ADAMTS9: variants seen among roughly 807,000 people sequenced by gnomAD.
ADAMTS9 encodes the protein A disintegrin and metalloproteinase with thrombospondin motifs 9.
ADAMTS9 carries 107 observed loss-of-function variants against 257.1 expected under a neutral mutation model. The observed-to-expected ratio is 0.42, with a 90% CI of 0.36 to 0.49. The LOEUF is 0.49. Ranked by LOEUF, ADAMTS9 falls within the 20% of genes least tolerant of loss-of-function variation. The pLI is 0.03. For missense variants in ADAMTS9, 2,353 were observed against 2,469.1 expected (o/e 0.95, Z 1.00); for synonymous variants, 982 against 880.9 (o/e 1.11, Z -2.03).
chr3:64,687,082 T>A lies in ADAMTS9; in HGVS notation c.116-114A>T. 1 of 1,270,088 alleles carries A rather than the reference T, an allele frequency of 7.9e-7. No individual in the cohort carries two copies. The highest frequency in any genetic ancestry group is 2.4e-5 in the Admixed American group (1 of 42,044). 78.7% of individuals were successfully genotyped at this position (1,270,088 alleles called of 1,614,324 possible). Reference sequence around the variant, plus strand: ...TTATTTTCCAGCCCATTCGAGTCAATCCCTTCACCCTTAATCAGTGGACAA... The same window carrying A: ...TTATTTTCCAGCCCATTCGAGTCAAACCCTTCACCCTTAATCAGTGGACAA... On this transcript the variant is annotated intron_variant, in intron 1 of 39. Coordinates refer to ENST00000498707, the MANE Select transcript of ADAMTS9 (RefSeq NM_182920.2). The surrounding 1 kb of genome is among the most constrained non-coding windows in gnomAD (Gnocchi z 4.4).
chr3:64,678,876 C>A (rs1701687838), intron 3 of ADAMTS9, among the ~76,000 whole-genome samples: 2 of 152,140 alleles, frequency 1.3e-5, no homozygotes, highest in African/African-American at 2.4e-5. Context: ...AGTGGCACAG[C>A]CCAGCAGCAA....
intron 11 of ADAMTS9, among the ~76,000 whole-genome samples, chr3:64,645,170 A>G (rs1164962096): frequency 6.6e-6 from 1 of 152,236 alleles, no homozygotes. Context: ...GGCTGGTGAA[A>G]TAAGAGCCAA....
In ADAMTS9 at chr3:64,686,611, G is replaced by T; in HGVS notation, c.473C>A (p.Thr158Asn). 6.2e-7 allele frequency: 1 copy of T among 1,613,728 alleles called. No individual in the cohort carries two copies. Among genetic ancestry groups the T allele is most frequent in the Non-Finnish European group, 8.5e-7 (1 of 1,179,886 alleles). The change falls in exon 2 of 40, where the codon ACC becomes AAC. Residue 158 changes from threonine to asparagine, a missense_variant. Thr to Asn is a moderately conservative substitution (Grantham distance 65). This residue lies in a region of ADAMTS9 where 591 missense variants were observed against 569.6 expected (regional missense o/e 1.04). Coordinates refer to ENST00000498707, the MANE Select transcript of ADAMTS9 (RefSeq NM_182920.2). The surrounding 1 kb of genome is among the most constrained non-coding windows in gnomAD (Gnocchi z 4.6). ...KHCFYKGYVNTNSEHTAVISL... is the reference protein window; with the variant it reads ...KHCFYKGYVNNNSEHTAVISL... ...GATGACGGCCGTGTGCTCGGAGTTGGTATTGACATAGCCTTTGTAGAAACA... is the reference window on the plus strand; with the variant it reads ...GATGACGGCCGTGTGCTCGGAGTTGTTATTGACATAGCCTTTGTAGAAACA...
At chr3:64,682,440 C>T (rs1268653734) in intron 2 of ADAMTS9, among the ~76,000 whole-genome samples, 2 of 152,202 alleles carry the variant, frequency 1.3e-5, no homozygotes, top group Middle Eastern at 3.2e-3. Flanking sequence ...TTTCACCCCA[C>T]ATACCCAAGT....
chr3:64,684,983 C>T (rs1238810569), intron 2 of ADAMTS9: 16 of 152,194 alleles, frequency 1.1e-4, no homozygotes, highest in Admixed American at 1.0e-3. Flanking sequence ...TCTGCCTACC[C>T]GAGCCTTAAC....
chr3:64,683,753 G>C (rs1701818943), intron 2 of ADAMTS9, among the ~76,000 whole-genome samples: 2 of 152,104 alleles, frequency 1.3e-5, no homozygotes, highest in African/African-American at 2.4e-5. Context: ...TATATGCTAA[G>C]TATATACAAC....
In ADAMTS9 at chr3:64,598,501, G is replaced by A. The variant is rs192011108; in HGVS notation, c.4018-1510C>T. 5.2e-3 allele frequency among the ~76,000 whole-genome samples: 795 copies of A among 151,776 alleles called. 2 individuals carry two copies. The highest frequency in any genetic ancestry group is 9.0e-3 in the Non-Finnish European group (613 of 67,914). On this transcript the variant is annotated intron_variant, in intron 26 of 39. Coordinates refer to ENST00000498707, the MANE Select transcript of ADAMTS9 (RefSeq NM_182920.2). ...CCTGGGTAAATTTTTAAAATTTTTC[G>A]TAGAGACAAGGTCTCACTATGTTGC... is the stretch of plus-strand genomic sequence containing the variant.
chr3:64,613,641 A>G, intron 21 of ADAMTS9, 132 bp from the exon 22 acceptor site: 1 of 832,208 alleles, frequency 1.2e-6, no homozygotes, highest in Non-Finnish European at 1.8e-6. Context: ...CAATTTGTAA[A>G]TATACTAAGC....
chr3:64,646,534 G>A (rs183215646), intron 11 of ADAMTS9, among the ~76,000 whole-genome samples: 4 of 152,206 alleles, frequency 2.6e-5, no homozygotes, highest in East Asian at 3.9e-4. Context: ...GCTTGTATCC[G>A]TATAAACTTT....
Position 64,515,938 on chromosome 3 carries a change from C to T in ADAMTS9, c.*1189G>A, listed in dbSNP as rs1575966883. 6.6e-6 allele frequency: 1 copy of T among 152,034 alleles called. No homozygotes were observed. The highest frequency in any genetic ancestry group is 1.5e-5 in the Non-Finnish European group (1 of 68,022). The allele number at this position is 152,034 out of a possible 1,614,324, so 9.4% of individuals were successfully genotyped here. ...GCACTTCCATTTTGGAAAGAAGTAA[C>T]AAAAAAGTGAATTAATGAGCAATCG... On this transcript the variant is annotated 3_prime_UTR_variant, in exon 40 of 40. Coordinates refer to ENST00000498707, the MANE Select transcript of ADAMTS9 (RefSeq NM_182920.2).
chr3:64,547,042 G>C (rs550256501), intron 31 of ADAMTS9, 90 bp from the exon 32 acceptor site: 2 of 1,145,062 alleles, frequency 1.7e-6, no homozygotes, highest in African/African-American at 1.6e-5. Context: ...AGCGCTGACC[G>C]TGTGACTATG....
In ADAMTS9 at chr3:64,537,878, T is replaced by A. The variant is rs559895032; in HGVS notation, c.5613+1325A>T. Among the ~76,000 whole-genome samples the A allele has an allele frequency of 2.0e-5, 3 of 152,358 alleles. No homozygotes were observed. In the South Asian group the frequency reaches 6.2e-4, roughly 32 times the overall value. On this transcript the variant is annotated intron_variant, in intron 37 of 39. Transcript: ENST00000498707. ...AAGGGCAGAAGCTTCTTGTAAAGAC[T>A]AACGTCTGCTTTGCAAAATTAGCCC...
intron 38 of ADAMTS9, among the ~76,000 whole-genome samples, chr3:64,527,094 GTA>G (rs1176778647): frequency 1.3e-5 from 2 of 152,146 alleles, no homozygotes; most frequent in Non-Finnish European, 2.9e-5. Flanking sequence ...CACGGAGCAA[GTA>G]AATACCAAAA....
chr3:64,643,470 T>TTTTTTTTTTTTTTTTTTTA (rs1700709156), intron 11 of ADAMTS9, among the ~76,000 whole-genome samples: 1 of 109,942 alleles, frequency 9.1e-6, no homozygotes, highest in Non-Finnish European at 1.9e-5. Flanking sequence ...TTTTTTTTTT[T>TTTTTTTTTTTTTTTTTTTA]GAGACAGAGT....
chr3:64,554,714 A>G (rs2083309269), intron 30 of ADAMTS9, among the ~76,000 whole-genome samples: 1 of 152,230 alleles, frequency 6.6e-6, no homozygotes, highest in Admixed American at 6.5e-5. Flanking sequence ...CAGAAAGAAA[A>G]TAATCACAGT....
intron 30 of ADAMTS9, among the ~76,000 whole-genome samples, chr3:64,556,589 G>T (rs2083336131): frequency 6.6e-6 from 1 of 152,160 alleles, no homozygotes; most frequent in South Asian, 2.1e-4. Flanking sequence ...CCAAAGTGCT[G>T]GGATTATAGG....
intron 28 of ADAMTS9, among the ~76,000 whole-genome samples, chr3:64,591,250 G>A (rs185759582): frequency 2.2e-4 from 34 of 152,148 alleles, no homozygotes; most frequent in African/African-American, 7.9e-4. Flanking sequence ...AACCAGCCTG[G>A]CCAACATGGC....
rs565626705 is a variant in ADAMTS9 at position 64,624,500 on chromosome 3, T to C, written c.2390-1914A>G. Among the ~76,000 whole-genome samples the C allele has an allele frequency of 1.3e-3, 205 of 152,176 alleles. 1 individual carries two copies. The highest frequency in any genetic ancestry group is 4.6e-3 in the African/African-American group (193 of 41,542). Reference sequence around the variant, plus strand: ...TGAAAAAAGAAACAGGAAAGAAAATTGACAAGGAGGATGAGACAACAGCTG... The same window carrying C: ...TGAAAAAAGAAACAGGAAAGAAAATCGACAAGGAGGATGAGACAACAGCTG... On this transcript the variant is annotated intron_variant, in intron 16 of 39. Coordinates refer to ENST00000498707, the MANE Select transcript of ADAMTS9 (RefSeq NM_182920.2).
intron 28 of ADAMTS9, among the ~76,000 whole-genome samples, chr3:64,581,703 G>C (rs1309347333): frequency 6.6e-6 from 1 of 152,162 alleles, no homozygotes; most frequent in Non-Finnish European, 1.5e-5. Context: ...GTAATTTAAG[G>C]TTCCAATTAA....
Sources: gnomAD v4.1 joint callset for allele counts (sites outside exome capture counted in the v4.1 genomes callset) on GRCh38, gnomAD v4.1.1 for gene constraint, gnomAD v4.1.1 regional missense constraint, Gnocchi (gnomAD v3.1) non-coding constraint, MANE v1.5 for transcripts, NCBI Gene and HGNC (gene_info 2026-07-23, HGNC 2026-07-21) for gene names.